The following TMEM181 variants were observed in gnomAD, a reference collection of about 807,000 sequenced individuals.
The protein encoded by TMEM181 is transmembrane protein 181.
A neutral mutation model predicts 71.9 loss-of-function variants in TMEM181; 39 were observed. The ratio of observed to expected loss-of-function variants is 0.54; its 90% confidence interval spans 0.42 to 0.71. TMEM181 has a LOEUF of 0.71. Among genes scored for constraint, TMEM181 ranks in the 30% least tolerant of loss-of-function variants. The pLI, the probability that TMEM181 is intolerant of heterozygous loss-of-function variation, is 0.00. For synonymous variants in TMEM181, 245 were observed against 228.8 expected, an observed-to-expected ratio of 1.07 and a Z score of -0.64; for missense variants, 595 against 583.0, an observed-to-expected ratio of 1.02 and a Z score of -0.21.
intron 1 of TMEM181, among the ~76,000 whole-genome samples, chr6:158,567,952 C>T (rs1782603697): frequency 6.6e-6 from 1 of 152,022 alleles, no homozygotes. Context: ...GGCTGCGGGG[C>T]ACTGTACGCT....
intron 1 of TMEM181, among the ~76,000 whole-genome samples, chr6:158,554,417 G>A (rs1254330726): frequency 1.3e-5 from 2 of 151,750 alleles, no homozygotes; most frequent in Admixed American, 6.6e-5. Context: ...ATGGGATTTT[G>A]CCATGTTGGC....
At chr6:158,539,175 G>A (rs997809917) in intron 1 of TMEM181, among the ~76,000 whole-genome samples, 4 of 152,168 alleles carry the variant, frequency 2.6e-5, no homozygotes, top group Admixed American at 1.3e-4. Context: ...ATCAGTGATG[G>A]ATTCTGCCCC....
chr6:158,607,459 C>A, intron 8 of TMEM181, 116 bp downstream of exon 8: 1 of 884,514 alleles, frequency 1.1e-6, no homozygotes, highest in South Asian at 1.5e-5. Context: ...AGGAGGACTG[C>A]TTGAAGCCAG....
At chr6:158,558,963 T>TGGAG, upstream of TMEM181, among the ~76,000 whole-genome samples, 1 of 152,166 alleles carries the variant, frequency 6.6e-6, no homozygotes, top group Non-Finnish European at 1.5e-5. Context: ...ACCCTTTCCC[T>TGGAG]CTGCTTATGT....
At chr6:158,553,764 A>G (rs1206321880) in intron 1 of TMEM181, among the ~76,000 whole-genome samples, 2 of 152,266 alleles carry the variant, frequency 1.3e-5, no homozygotes, top group Non-Finnish European at 2.9e-5. Context: ...CTTAAGTCAC[A>G]TGAACTAAAA....
upstream of TMEM181, among the ~76,000 whole-genome samples, chr6:158,556,794 G>C (rs1388364591): frequency 1.3e-5 from 2 of 151,732 alleles, no homozygotes; most frequent in African/African-American, 4.8e-5. Flanking sequence ...ATGGAGTCTC[G>C]CTCTGTTGCC....
intron 10 of TMEM181, 32 bp from the exon 11 acceptor site, chr6:158,623,518 A>C: frequency 7.3e-7 from 1 of 1,364,748 alleles, no homozygotes; most frequent in Non-Finnish European, 1.0e-6. Flanking sequence ...GGTAGTTATT[A>C]ATCTATAATT....
chr6:158,543,446 G>A, intron 1 of TMEM181, among the ~76,000 whole-genome samples: 1 of 152,206 alleles, frequency 6.6e-6, no homozygotes, highest in East Asian at 1.9e-4. Flanking sequence ...TAGGGCTGCG[G>A]TAAGAAAACA....
intron 11 of TMEM181, 29 bp downstream of exon 11, chr6:158,623,636 T>C: frequency 6.6e-7 from 1 of 1,506,088 alleles, no homozygotes. Flanking sequence ...GCCTGCAATT[T>C]TTCTTCTTAA....
intron 6 of TMEM181, among the ~76,000 whole-genome samples, chr6:158,592,029 T>G (rs1784138556): frequency 6.6e-6 from 1 of 152,172 alleles, no homozygotes; most frequent in Non-Finnish European, 1.5e-5. Flanking sequence ...CACCTTGAAT[T>G]ACACCACAGC....
intron 1 of TMEM181, chr6:158,572,415 A>G: frequency 2.2e-6 from 1 of 456,696 alleles, no homozygotes; most frequent in Non-Finnish European, 4.4e-6. Flanking sequence ...ACATGCGAGG[A>G]CAACAGAGAA....
intron 4 of TMEM181, among the ~76,000 whole-genome samples, chr6:158,584,973 T>C (rs754575741): frequency 2.0e-5 from 3 of 152,226 alleles, no homozygotes; most frequent in Non-Finnish European, 4.4e-5. Context: ...ATTTTTGGTA[T>C]AGAATTTGGT....
intron 10 of TMEM181, among the ~76,000 whole-genome samples, chr6:158,615,539 T>G (rs1462343224): frequency 6.6e-6 from 1 of 152,362 alleles, no homozygotes; most frequent in East Asian, 1.9e-4. Flanking sequence ...TTTTGGTGTT[T>G]TAGTCATGAA....
chr6:158,605,162 G>GTA (rs1554227529), intron 6 of TMEM181, 105 bp from the exon 7 acceptor site: 14 of 668,878 alleles, frequency 2.1e-5, no homozygotes, highest in Non-Finnish European at 3.2e-5. Flanking sequence ...GTGTGTGTAT[G>GTA]TGTATATATT....
At chr6:158,611,913 T>G (rs1182672238) in intron 10 of TMEM181, among the ~76,000 whole-genome samples, 1 of 152,130 alleles carries the variant, frequency 6.6e-6, no homozygotes, top group Non-Finnish European at 1.5e-5. Flanking sequence ...CTCTTCGCCT[T>G]GCTTATCTGG....
chr6:158,629,735 G>A lies in TMEM181; in HGVS notation c.1198G>A (p.Glu400Lys), dbSNP rs1786552223. Residue 400 changes from glutamate (E) to lysine (K), a missense_variant, in exon 15 of 17, where the codon GAG (glutamate) becomes AAG (lysine). Transcript: ENST00000684151. ...ELSTHYQNSA[E>K]FLSFYGLLNF... ...CCTTCCCTTGACAGCACCACCAGCC[G>A]AGTTCTTATCTTTCTATGGCCTGTT... is the stretch of plus-strand genomic sequence containing the variant. 7.5e-6 allele frequency: 12 copies of A among 1,608,364 alleles called. No individual in the cohort carries two copies. The highest frequency in any genetic ancestry group is 9.3e-6 in the Non-Finnish European group (11 of 1,177,018).
chr6:158,558,381 C>T (rs1470360643), upstream of TMEM181, among the ~76,000 whole-genome samples: 1 of 152,192 alleles, frequency 6.6e-6, no homozygotes, highest in Non-Finnish European at 1.5e-5. Flanking sequence ...TGTCGAAAGA[C>T]AAAATGACAG....
At position 158,574,201 on chromosome 6, in the gene TMEM181, T is replaced by G. The variant is rs117716205; in HGVS notation, c.112+678T>G. Among the ~76,000 whole-genome samples the G allele has an allele frequency of 2.0e-5, 3 of 152,312 alleles. No individual in the cohort carries two copies. The East Asian group carries it at 5.8e-4, about 29-fold the overall frequency. ...GTAGATATTATTTAATTGATTGACT[T>G]AATACTAAAGTGTGAATGGCAGTTA... On this transcript the variant is annotated intron_variant, in intron 2 of 16. Transcript: ENST00000684151.
chr6:158,541,898 C>CTTTT (rs10583860), intron 1 of TMEM181, among the ~76,000 whole-genome samples: 33 of 66,602 alleles, frequency 5.0e-4, no homozygotes, highest in Admixed American at 7.0e-4. Flanking sequence ...GGGATTTTAT[C>CTTTT]TTTTTTTTTT....
Sources: allele counts gnomAD v4.1 joint callset (sites outside exome capture counted in the v4.1 genomes callset), GRCh38; gene constraint gnomAD v4.1.1; transcripts MANE v1.5; gene names NCBI Gene and HGNC (gene_info 2026-07-23, HGNC 2026-07-21).